AFG2A: variants seen among roughly 807,000 people sequenced by gnomAD.
The protein encoded by AFG2A is ATPase family gene 2 protein homolog A.
chr4:123,284,488 T>C, the AFG2A span, among the ~76,000 whole-genome samples: 1 of 152,198 alleles, frequency 6.6e-6, no homozygotes. Flanking sequence ...TTTTCATTTG[T>C]TTTAGAATAC....
At chr4:122,993,774 G>A in the AFG2A span, among the ~76,000 whole-genome samples, 1 of 151,346 alleles carries the variant, frequency 6.6e-6, no homozygotes, top group Non-Finnish European at 1.5e-5. Flanking sequence ...GTCAGAAATT[G>A]ATATTGAATA....
At chr4:122,947,282 A>C in the AFG2A span, 1 of 1,612,284 alleles carries the variant, frequency 6.2e-7, no homozygotes, top group African/African-American at 1.3e-5. Context: ...AATCGCCCTC[A>C]TGCCTTGGAT....
At chr4:123,225,119 T>G in the AFG2A span, among the ~76,000 whole-genome samples, 2 of 152,350 alleles carry the variant, frequency 1.3e-5, no homozygotes, top group Middle Eastern at 3.4e-3. Flanking sequence ...TAGCCCTTTG[T>G]CAGATGAGTA....
At chr4:123,310,855 G>A in the AFG2A span, among the ~76,000 whole-genome samples, 2 of 152,174 alleles carry the variant, frequency 1.3e-5, no homozygotes, top group Admixed American at 6.5e-5. Flanking sequence ...GTTCTTCAGA[G>A]CATCCTTTAT....
At chr4:123,185,694 G>T in the AFG2A span, among the ~76,000 whole-genome samples, 1 of 152,072 alleles carries the variant, frequency 6.6e-6, no homozygotes, top group Admixed American at 6.6e-5. Flanking sequence ...ATACATGAAG[G>T]AGTTCTTATG....
the AFG2A span, among the ~76,000 whole-genome samples, chr4:123,205,933 A>T: frequency 6.6e-6 from 1 of 152,182 alleles, no homozygotes; most frequent in Admixed American, 6.5e-5. Context: ...AGGAAATCAG[A>T]TGTCCTACTT....
chr4:123,113,007 G>A, the AFG2A span, among the ~76,000 whole-genome samples: 1 of 152,060 alleles, frequency 6.6e-6, no homozygotes, highest in Admixed American at 6.5e-5. Flanking sequence ...TTAGTGTGGA[G>A]TCATTCATAT....
chr4:123,057,323 TA>T, the AFG2A span: 5 of 1,557,832 alleles, frequency 3.2e-6, no homozygotes, highest in Non-Finnish European at 4.4e-6. Context: ...TATTACATAA[TA>T]ATATGATGTT....
At chr4:122,959,559 G>C in the AFG2A span, among the ~76,000 whole-genome samples, 1 of 152,198 alleles carries the variant, frequency 6.6e-6, no homozygotes, top group Non-Finnish European at 1.5e-5. Context: ...AGTGAAGGAA[G>C]CTCTGTACTT....
At chr4:123,295,571 A>G in the AFG2A span, among the ~76,000 whole-genome samples, 1 of 152,264 alleles carries the variant, frequency 6.6e-6, no homozygotes, top group East Asian at 1.9e-4. Flanking sequence ...TGAAAAAGAC[A>G]AAGCAGAGCC....
chr4:123,062,593 A>G, the AFG2A span, among the ~76,000 whole-genome samples: 1 of 152,222 alleles, frequency 6.6e-6, no homozygotes, highest in Non-Finnish European at 1.5e-5. Flanking sequence ...GCAATAAGTC[A>G]TATGGTATAG....
the AFG2A span, among the ~76,000 whole-genome samples, chr4:123,238,918 C>T: frequency 6.6e-6 from 1 of 151,938 alleles, no homozygotes; most frequent in East Asian, 1.9e-4. Flanking sequence ...TAACCCATTG[C>T]GAGGAAGCTA....
the AFG2A span, among the ~76,000 whole-genome samples, chr4:123,088,934 A>G: frequency 1.3e-5 from 2 of 152,336 alleles, no homozygotes; most frequent in Admixed American, 6.5e-5. Flanking sequence ...ATTTGTTTAT[A>G]GTGTTCAATG....
At chr4:122,940,615 G>C in the AFG2A span, among the ~76,000 whole-genome samples, 1 of 152,158 alleles carries the variant, frequency 6.6e-6, no homozygotes, top group Non-Finnish European at 1.5e-5. Flanking sequence ...TTCTTTTGCT[G>C]TGCAGAAGCT....
At chr4:123,247,133 C>T in the AFG2A span, among the ~76,000 whole-genome samples, 2 of 152,018 alleles carry the variant, frequency 1.3e-5, no homozygotes, top group Admixed American at 6.6e-5. Context: ...GAAACAGTTT[C>T]TTTCCCCCGT....
chr4:122,925,595 T>C, the AFG2A span, among the ~76,000 whole-genome samples: 4 of 152,218 alleles, frequency 2.6e-5, no homozygotes, highest in Non-Finnish European at 5.9e-5. Context: ...GAATTATCTT[T>C]TTCTTCTCCT....
the AFG2A span, among the ~76,000 whole-genome samples, chr4:122,983,360 T>C: frequency 5.1e-4 from 78 of 152,156 alleles, no homozygotes; most frequent in Middle Eastern, 3.2e-3. Flanking sequence ...TCTGAACTTA[T>C]TTTGTTCTTT....
At chr4:123,296,455 A>T in the AFG2A span, among the ~76,000 whole-genome samples, 1 of 152,254 alleles carries the variant, frequency 6.6e-6, no homozygotes, top group Non-Finnish European at 1.5e-5. Context: ...TGTGAAATAT[A>T]CTGACTGGTA....
chr4:123,071,428 C>T, the AFG2A span, among the ~76,000 whole-genome samples: 2 of 151,436 alleles, frequency 1.3e-5, no homozygotes, highest in African/African-American at 2.4e-5. Flanking sequence ...TGCGATGAGC[C>T]GAGATGGCGC....
Sources: allele counts gnomAD v4.1 joint callset (sites outside exome capture counted in the v4.1 genomes callset), GRCh38; gene constraint gnomAD v4.1.1; transcripts MANE v1.5; gene names NCBI Gene and HGNC (gene_info 2026-07-23, HGNC 2026-07-21).